The following CRPPA variants were observed in gnomAD, a reference collection of about 807,000 sequenced individuals.
The protein encoded by CRPPA is CDP-L-ribitol pyrophosphorylase A.
In CRPPA, 43 loss-of-function variants were observed where a neutral mutation model predicts 52.0. The ratio of observed to expected loss-of-function variants is 0.83; its 90% CI spans 0.65 to 1.07. CRPPA has a LOEUF of 1.07. Ranked by LOEUF, CRPPA falls within the 50% of genes least tolerant of loss-of-function variation. The probability of loss-of-function intolerance (pLI) is 0.00; values close to 1 mark genes in which losing one functional copy is unlikely to be tolerated. For synonymous variants in CRPPA, 250 were observed against 203.5 expected (o/e 1.23, Z -1.94); for missense variants, 629 against 551.7 (o/e 1.14, Z -1.40).
chr7:16,225,344 T>C (rs1441911373), intron 8 of CRPPA, among the ~76,000 whole-genome samples: 5 of 152,016 alleles, frequency 3.3e-5, no homozygotes, highest in Non-Finnish European at 7.4e-5. Context: ...TACAAGAACA[T>C]ACTTTAACAC....
intron 8 of CRPPA, among the ~76,000 whole-genome samples, chr7:16,232,106 T>C (rs1277380574): frequency 6.6e-6 from 1 of 152,142 alleles, no homozygotes; most frequent in Non-Finnish European, 1.5e-5. Context: ...AGCAGAGAAC[T>C]GATCTGTGCA....
chr7:16,207,360 A>ACC (rs1474217273), intron 9 of CRPPA, among the ~76,000 whole-genome samples: 2 of 152,178 alleles, frequency 1.3e-5, no homozygotes. Flanking sequence ...CAAATCTTTA[A>ACC]AATTAGGTTG....
intron 3 of CRPPA, among the ~76,000 whole-genome samples, chr7:16,345,918 T>G (rs1032074314): frequency 3.9e-5 from 6 of 152,196 alleles, no homozygotes; most frequent in African/African-American, 1.4e-4. Context: ...TATAAAAGCT[T>G]TTGTTTACTC....
chr7:16,284,620 C>CTG (rs377505017), intron 5 of CRPPA, among the ~76,000 whole-genome samples: 5,692 of 152,158 alleles, frequency 0.037, 337 homozygotes, highest in African/African-American at 0.13. Context: ...CCAAACGTGC[C>CTG]ATAATCATAT....
At chr7:16,305,524 C>T (rs1784889062) in intron 4 of CRPPA, among the ~76,000 whole-genome samples, 1 of 152,092 alleles carries the variant, frequency 6.6e-6, no homozygotes. Context: ...CATGTGTTTC[C>T]CAGGACTGCT....
intron 5 of CRPPA, among the ~76,000 whole-genome samples, chr7:16,292,111 CAT>C (rs1179780832): frequency 6.6e-6 from 1 of 151,902 alleles, no homozygotes; most frequent in Non-Finnish European, 1.5e-5. Context: ...CAAAGTCATA[CAT>C]GTCTCTCATT....
Position 16,383,472 on chromosome 7 carries a change from C to T in CRPPA, c.535-7231G>A, listed in dbSNP as rs146932841. Among the ~76,000 whole-genome samples the T allele has an allele frequency of 1.1e-3, 167 of 152,306 alleles. 1 individual carries two copies. The Middle Eastern group carries it at 0.024, about 22-fold the overall frequency. On this transcript the variant is annotated intron_variant, in intron 2 of 9. Coordinates refer to ENST00000407010, the MANE Select transcript of CRPPA (RefSeq NM_001101426.4). ...GGGACCCACTTGAGGAGGCAGTCTG[C>T]CCATTCTCAATACTCCAGCTGTGTG...
intron 8 of CRPPA, among the ~76,000 whole-genome samples, chr7:16,220,861 C>G (rs1228228491): frequency 6.6e-6 from 1 of 152,140 alleles, no homozygotes; most frequent in Non-Finnish European, 1.5e-5. Context: ...TGAAAACGGC[C>G]ATACTGCCCA....
intron 3 of CRPPA, among the ~76,000 whole-genome samples, chr7:16,332,688 T>C (rs899265510): frequency 6.6e-6 from 1 of 152,000 alleles, no homozygotes; most frequent in Non-Finnish European, 1.5e-5. Context: ...AGTCACAAAA[T>C]GTTCAATTAA....
chr7:16,128,085 C>T lies in CRPPA; in HGVS notation c.1252-36286G>A, dbSNP rs181732376. 1.1e-4 allele frequency among the ~76,000 whole-genome samples: 16 copies of T among 152,106 alleles called. No individual in the cohort carries two copies. The East Asian group carries it at 1.9e-3, about 18-fold the overall frequency. On this transcript the variant is annotated intron_variant, in intron 9 of 9. Coordinates refer to ENST00000407010, the MANE Select transcript of CRPPA (RefSeq NM_001101426.4). ...CAATGGTTGAGCTAATTTTTACTCC[C>T]GCCAACAGTGTAAAAGTGAACACAC...
chr7:16,254,072 A>G (rs1348843205), intron 8 of CRPPA, among the ~76,000 whole-genome samples: 3 of 152,178 alleles, frequency 2.0e-5, no homozygotes, highest in Non-Finnish European at 4.4e-5. Flanking sequence ...GGCGATCATT[A>G]AAAAGTCAGG....
At chr7:16,264,222 A>G (rs56150063) in intron 6 of CRPPA, among the ~76,000 whole-genome samples, 25,002 of 152,230 alleles carry the variant, frequency 0.16, 2,411 homozygotes, top group Non-Finnish European at 0.23. Flanking sequence ...AGTCCTAAGC[A>G]TCATCATATG....
chr7:16,287,448 T>C (rs891244922), intron 5 of CRPPA, among the ~76,000 whole-genome samples: 4 of 152,206 alleles, frequency 2.6e-5, no homozygotes, highest in African/African-American at 4.8e-5. Context: ...GGCTCTGTAC[T>C]AGGATCATGA....
intron 3 of CRPPA, among the ~76,000 whole-genome samples, chr7:16,329,230 A>G (rs1785491389): frequency 6.6e-6 from 1 of 152,228 alleles, no homozygotes; most frequent in Non-Finnish European, 1.5e-5. Flanking sequence ...AGGAGCTAAG[A>G]TAATGAGTTT....
At chr7:16,275,048 C>G (rs1248682857) in intron 6 of CRPPA, among the ~76,000 whole-genome samples, 4 of 152,000 alleles carry the variant, frequency 2.6e-5, no homozygotes, top group African/African-American at 4.8e-5. Context: ...TGCACTCCAG[C>G]CTGGGCAACT....
At chr7:16,391,514 T>C (rs1787445743) in intron 2 of CRPPA, among the ~76,000 whole-genome samples, 2 of 152,176 alleles carry the variant, frequency 1.3e-5, no homozygotes, top group African/African-American at 4.8e-5. Flanking sequence ...ATCATGTCTC[T>C]CTTCTGTTCA....
intron 1 of CRPPA, 121 bp from the exon 2 acceptor site, chr7:16,406,458 T>C (rs776418243): frequency 2.4e-5 from 20 of 840,304 alleles, no homozygotes; most frequent in Non-Finnish European, 3.5e-5. Context: ...TGCAAGTTAA[T>C]AAAACAGTTT....
chr7:16,276,254 G>GA (rs1408446699), intron 6 of CRPPA, among the ~76,000 whole-genome samples: 1 of 151,760 alleles, frequency 6.6e-6, no homozygotes, highest in South Asian at 2.1e-4. Context: ...TAACCAAACA[G>GA]AAAAAAACTA....
chr7:16,228,463 G>A (rs991480803), intron 8 of CRPPA, among the ~76,000 whole-genome samples: 1 of 151,764 alleles, frequency 6.6e-6, no homozygotes. Context: ...TGTTAGAACT[G>A]CTTTTACTGT....
Sources: gnomAD v4.1 joint callset for allele counts (sites outside exome capture counted in the v4.1 genomes callset) on GRCh38, gnomAD v4.1.1 for gene constraint, MANE v1.5 for transcripts, NCBI Gene and HGNC (gene_info 2026-07-23, HGNC 2026-07-21) for gene names.